Variants in PIK3C2G observed in about 807,000 individuals in gnomAD.
The protein encoded by PIK3C2G is phosphatidylinositol-4-phosphate 3-kinase catalytic subunit type 2 gamma.
Under a neutral mutation model 181.1 loss-of-function variants are expected in PIK3C2G, and 168 were observed. The ratio of observed to expected loss-of-function variants is 0.93; its 90% CI spans 0.82 to 1.05. PIK3C2G has a LOEUF of 1.05. Among genes scored for constraint, PIK3C2G ranks in the 50% least tolerant of loss-of-function variants. PIK3C2G has a pLI of 0.00. For missense variants in PIK3C2G, 1,869 were observed against 1,732.8 expected (o/e 1.08, Z -1.40); for synonymous variants, 573 against 592.2 (o/e 0.97, Z 0.47).
intron 5 of PIK3C2G, 125 bp from the exon 6 acceptor site, chr12:18,313,837 C>T (rs1042757041): frequency 1.6e-5 from 10 of 618,248 alleles, no homozygotes; most frequent in Non-Finnish European, 2.6e-5. Flanking sequence ...CACGCACACA[C>T]ACGCACACAC....
intron 18 of PIK3C2G, among the ~76,000 whole-genome samples, chr12:18,480,251 GGA>G (rs1319259376): frequency 3.3e-5 from 5 of 152,022 alleles, no homozygotes; most frequent in African/African-American, 1.2e-4. Context: ...AGTGGGGGAG[GGA>G]GAGAGGGGTC....
chr12:18,408,860 G>T (rs371174135), intron 16 of PIK3C2G, among the ~76,000 whole-genome samples: 1 of 152,080 alleles, frequency 6.6e-6, no homozygotes, highest in South Asian at 2.1e-4. Flanking sequence ...ACCATCTCAG[G>T]ACAGTTAGAA....
chr12:18,381,505 G>A (rs1214036657), intron 13 of PIK3C2G, among the ~76,000 whole-genome samples: 1 of 152,078 alleles, frequency 6.6e-6, no homozygotes, highest in East Asian at 1.9e-4. Context: ...CTACCCATTA[G>A]AAACCACTGT....
chr12:18,437,726 A>C (rs1319473937), intron 18 of PIK3C2G, among the ~76,000 whole-genome samples: 1 of 151,958 alleles, frequency 6.6e-6, no homozygotes, highest in Non-Finnish European at 1.5e-5. Context: ...ATTTTTAAAG[A>C]GGCTGCTGCT....
intron 32 of PIK3C2G, among the ~76,000 whole-genome samples, chr12:18,646,531 G>T (rs1950142786): frequency 6.6e-6 from 1 of 152,102 alleles, no homozygotes; most frequent in African/African-American, 2.4e-5. Context: ...GTAATGAAAG[G>T]TAAGCCTATG....
Position 18,268,198 on chromosome 12 carries a change from A to T in PIK3C2G, c.-79+6621A>T, listed in dbSNP as rs567793146. ...ATTTCTGTTTAATCTGTTTTGACTTACATATGATAAAAATTTAGTTGACTG... is the reference window on the plus strand; with the variant it reads ...ATTTCTGTTTAATCTGTTTTGACTTTCATATGATAAAAATTTAGTTGACTG... On this transcript the variant is annotated intron_variant, in intron 1 of 32. Transcript: ENST00000538779. Among the ~76,000 whole-genome samples the T allele has an allele frequency of 9.2e-5, 14 of 152,284 alleles. No homozygotes were observed. In the South Asian group the frequency reaches 2.9e-3, roughly 32 times the overall value.
intron 16 of PIK3C2G, among the ~76,000 whole-genome samples, chr12:18,408,582 C>A: frequency 6.6e-6 from 1 of 152,072 alleles, no homozygotes; most frequent in Admixed American, 6.6e-5. Flanking sequence ...AACTAAAGAG[C>A]TTCTGCACAG....
the PIK3C2G span, among the ~76,000 whole-genome samples, chr12:18,722,761 A>G: frequency 3.9e-5 from 6 of 152,098 alleles, no homozygotes; most frequent in South Asian, 2.1e-4. Context: ...CCAAATCACT[A>G]TGTGTTCAAA....
chr12:18,656,826 A>C, the PIK3C2G span, among the ~76,000 whole-genome samples: 1 of 152,178 alleles, frequency 6.6e-6, no homozygotes, highest in African/African-American at 2.4e-5. Context: ...AATTGAAACC[A>C]ATCAAATTTT....
At chr12:18,671,702 AATG>A in the PIK3C2G span, among the ~76,000 whole-genome samples, 1 of 152,174 alleles carries the variant, frequency 6.6e-6, no homozygotes, top group African/African-American at 2.4e-5. Flanking sequence ...GCTCCAGAAA[AATG>A]ATGAAGAAAA....
At chr12:18,420,832 G>GT in intron 16 of PIK3C2G, 109 bp from the exon 17 acceptor site, 2 of 633,096 alleles carry the variant, frequency 3.2e-6, no homozygotes, top group South Asian at 4.0e-5. Context: ...TGGGATAATT[G>GT]TTTTACCTTA....
At chr12:18,310,104 A>G (rs1950578407) in intron 5 of PIK3C2G, among the ~76,000 whole-genome samples, 1 of 151,926 alleles carries the variant, frequency 6.6e-6, no homozygotes, top group Non-Finnish European at 1.5e-5. Context: ...ATTGTTGCTG[A>G]ATTCAATGTA....
intron 14 of PIK3C2G, among the ~76,000 whole-genome samples, chr12:18,384,864 A>C (rs1049922968): frequency 2.0e-5 from 3 of 152,224 alleles, no homozygotes; most frequent in Non-Finnish European, 2.9e-5. Context: ...TTGTATAGAC[A>C]CATGAAAAGC....
chr12:18,246,259 T>C (rs17407507), upstream of PIK3C2G, among the ~76,000 whole-genome samples: 595 of 152,242 alleles, frequency 3.9e-3, 2 homozygotes, highest in Admixed American at 7.1e-3. Context: ...CAATGAAGCA[T>C]AGCTGGTTAA....
intron 15 of PIK3C2G, among the ~76,000 whole-genome samples, chr12:18,393,336 G>A (rs539681451): frequency 1.6e-4 from 24 of 152,114 alleles, no homozygotes; most frequent in Non-Finnish European, 2.9e-4. Context: ...AAAATAGATG[G>A]AGAACAGCCT....
the PIK3C2G span, among the ~76,000 whole-genome samples, chr12:18,678,393 G>A: frequency 6.6e-6 from 1 of 151,960 alleles, no homozygotes; most frequent in Non-Finnish European, 1.5e-5. Flanking sequence ...CACGTTTGAA[G>A]TATACAATTT....
chr12:18,552,656 G>T (rs531749258), intron 26 of PIK3C2G, among the ~76,000 whole-genome samples: 5 of 152,134 alleles, frequency 3.3e-5, no homozygotes, highest in African/African-American at 9.6e-5. Flanking sequence ...ATTATTTTTA[G>T]TTATAATAAC....
the PIK3C2G span, chr12:18,715,906 T>C: frequency 2.0e-5 from 3 of 152,204 alleles, no homozygotes; most frequent in Non-Finnish European, 4.4e-5. Context: ...TCTTAACTAA[T>C]TGTCTTTGTA....
chr12:18,495,780 A>G (rs1940952923), intron 20 of PIK3C2G, among the ~76,000 whole-genome samples: 1 of 152,120 alleles, frequency 6.6e-6, no homozygotes, highest in Admixed American at 6.5e-5. Flanking sequence ...TAAACCTCAA[A>G]CATATCACTA....
Sources: allele counts gnomAD v4.1 joint callset (sites outside exome capture counted in the v4.1 genomes callset), GRCh38; gene constraint gnomAD v4.1.1; transcripts MANE v1.5; gene names NCBI Gene and HGNC (gene_info 2026-07-23, HGNC 2026-07-21).